Variants in AFAP1 observed in about 807,000 individuals in gnomAD.
AFAP1 encodes actin filament-associated protein 1.
Under a neutral mutation model 93.9 loss-of-function variants are expected in AFAP1, and 75 were observed. That is an observed-to-expected ratio of 0.80 (90% CI 0.66 to 0.97). The LOEUF is 0.97. AFAP1 is among the 50% of genes least tolerant of loss of function. AFAP1 has a pLI of 0.00. For synonymous variants in AFAP1, 517 were observed against 430.7 expected, an observed-to-expected ratio of 1.20 and a Z score of -2.48; for missense variants, 1,201 against 1,050.8, an observed-to-expected ratio of 1.14 and a Z score of -1.98.
chr4:7,853,642 C>T (rs1309099934), intron 4 of AFAP1, among the ~76,000 whole-genome samples: 1 of 152,190 alleles, frequency 6.6e-6, no homozygotes, highest in Admixed American at 6.5e-5. Flanking sequence ...TAAACTCTTC[C>T]CTCCATGACA....
intron 1 of AFAP1, among the ~76,000 whole-genome samples, chr4:7,930,222 C>T (rs1015011449): frequency 6.6e-6 from 1 of 152,218 alleles, no homozygotes; most frequent in African/African-American, 2.4e-5. Flanking sequence ...GGGCACACCA[C>T]GGGGCAGGGA....
chr4:7,862,425 G>A (rs1315457829), intron 3 of AFAP1: 3 of 150,818 alleles, frequency 2.0e-5, no homozygotes, highest in South Asian at 2.1e-4. Context: ...CGCCGGCGGC[G>A]GGAGAATGGG....
At chr4:7,795,647 G>C (rs181673735) in intron 10 of AFAP1, among the ~76,000 whole-genome samples, 2 of 151,894 alleles carry the variant, frequency 1.3e-5, no homozygotes, top group East Asian at 1.9e-4. Flanking sequence ...GGATGGTCTC[G>C]ATCTCCTGAC....
intron 3 of AFAP1, among the ~76,000 whole-genome samples, chr4:7,861,499 A>G (rs1229641679): frequency 6.6e-6 from 1 of 152,264 alleles, no homozygotes. Flanking sequence ...ATCACTGTTA[A>G]GTCTGCATTC....
At chr4:7,874,982 G>T (rs866539494) in intron 1 of AFAP1, among the ~76,000 whole-genome samples, 9 of 151,952 alleles carry the variant, frequency 5.9e-5, no homozygotes, top group Non-Finnish European at 7.4e-5. Context: ...GCTCTTTAAG[G>T]TCTTCAAAAT....
chr4:7,887,840 T>C (rs1274729828), intron 1 of AFAP1, among the ~76,000 whole-genome samples: 2 of 152,190 alleles, frequency 1.3e-5, no homozygotes, highest in African/African-American at 4.8e-5. Context: ...AATTTTTTTT[T>C]TTTTGAGATG....
At chr4:7,827,195 A>G (rs1721499452) in intron 6 of AFAP1, among the ~76,000 whole-genome samples, 1 of 152,102 alleles carries the variant, frequency 6.6e-6, no homozygotes, top group Admixed American at 6.5e-5. Context: ...GAGGCACGGA[A>G]GGAGTGAAGG....
chr4:7,807,651 C>G (rs1432680117), intron 9 of AFAP1, among the ~76,000 whole-genome samples: 1 of 152,248 alleles, frequency 6.6e-6, no homozygotes, highest in African/African-American at 2.4e-5. Context: ...CCACAGGCAG[C>G]TGTTTCAACA....
chr4:7,931,770 G>T (rs1721080848), intron 1 of AFAP1, among the ~76,000 whole-genome samples: 1 of 152,104 alleles, frequency 6.6e-6, no homozygotes, highest in Admixed American at 6.6e-5. Context: ...AACACACATG[G>T]ATGCATATAC....
intron 9 of AFAP1, among the ~76,000 whole-genome samples, chr4:7,802,639 C>CT (rs60126839): frequency 0.15 from 19,119 of 127,676 alleles, 1,536 homozygotes; most frequent in African/African-American, 0.17. Flanking sequence ...TACATTTATT[C>CT]TTTTTTTTTT....
chr4:7,939,273 G>A lies in AFAP1; in HGVS notation c.-3+383C>T, dbSNP rs1409513911. 2 of 313,522 alleles carry A rather than the reference G, an allele frequency of 6.4e-6. No homozygotes were observed. The highest frequency in any genetic ancestry group is 6.4e-6 in the Non-Finnish European group (1 of 155,614). 19.4% of individuals were successfully genotyped at this position (313,522 alleles called of 1,614,324 possible). A position where few individuals can be genotyped will look rare whatever the true frequency, so the allele number is the denominator to read the frequency against. Reference sequence around the variant, plus strand: ...CGAAGCAGTCTCGCTACGGGGGAGGGCGGCGGAGCCTCCCACTCTTGGTGA... The same window carrying A: ...CGAAGCAGTCTCGCTACGGGGGAGGACGGCGGAGCCTCCCACTCTTGGTGA... On this transcript the variant is annotated intron_variant, in intron 1 of 17. Coordinates refer to ENST00000420658, the MANE Select transcript of AFAP1 (RefSeq NM_001134647.2). The surrounding 1 kb of genome is among the most constrained non-coding windows in gnomAD (Gnocchi z 5.6).
intron 9 of AFAP1, among the ~76,000 whole-genome samples, chr4:7,804,893 C>A (rs1719366720): frequency 6.6e-6 from 1 of 152,180 alleles, no homozygotes; most frequent in Non-Finnish European, 1.5e-5. Flanking sequence ...TTCGGAGAAA[C>A]CAAATGTCAG....
intron 1 of AFAP1, among the ~76,000 whole-genome samples, chr4:7,905,818 C>T (rs908514208): frequency 2.0e-5 from 3 of 152,228 alleles, no homozygotes; most frequent in Admixed American, 6.5e-5. Context: ...GGCATCCATA[C>T]CCCGTCCCAT....
At chr4:7,867,769 ACCCAGTAAGTGCTTGTTT>A (rs78197331) in intron 3 of AFAP1, among the ~76,000 whole-genome samples, 51,260 of 151,500 alleles carry the variant, frequency 0.34, 9,664 homozygotes, top group Non-Finnish European at 0.44. Context: ...TGTGCCAGGA[ACCCAGTAAGTGCTTGTTT>A]CCCTCTGTGC....
intron 1 of AFAP1, among the ~76,000 whole-genome samples, chr4:7,892,645 G>A (rs1230907674): frequency 6.6e-6 from 1 of 152,170 alleles, no homozygotes; most frequent in East Asian, 1.9e-4. Flanking sequence ...GATTAACACG[G>A]GATCTGGTGG....
At chr4:7,884,853 T>C (rs1718054334) in intron 1 of AFAP1, among the ~76,000 whole-genome samples, 1 of 152,206 alleles carries the variant, frequency 6.6e-6, no homozygotes, top group Non-Finnish European at 1.5e-5. Context: ...TATGAGCTCC[T>C]GGAGAATGAC....
At chr4:7,916,449 C>T (rs1397873493) in intron 1 of AFAP1, among the ~76,000 whole-genome samples, 6 of 152,194 alleles carry the variant, frequency 3.9e-5, no homozygotes, top group Non-Finnish European at 7.4e-5. Context: ...CCAGCCCCTG[C>T]TCTAAACCCT....
intron 8 of AFAP1, among the ~76,000 whole-genome samples, 198 bp downstream of exon 8, chr4:7,815,820 A>G (rs116259857): frequency 0.014 from 2,119 of 152,314 alleles, 48 homozygotes; most frequent in African/African-American, 0.048. Context: ...GGATGGAAAA[A>G]GAAGACCTGC....
chr4:7,812,000 G>A (rs918499699), intron 8 of AFAP1, among the ~76,000 whole-genome samples: 16 of 133,892 alleles, frequency 1.2e-4, no homozygotes, highest in Non-Finnish European at 1.4e-4. Context: ...ATAAAGCGCC[G>A]AGACTGGCTT....
Sources: allele counts gnomAD v4.1 joint callset (sites outside exome capture counted in the v4.1 genomes callset), GRCh38; gene constraint gnomAD v4.1.1; non-coding constraint Gnocchi (gnomAD v3.1); transcripts MANE v1.5; gene names NCBI Gene and HGNC (gene_info 2026-07-23, HGNC 2026-07-21).